KCTD8: variants seen among roughly 807,000 people sequenced by gnomAD.
KCTD8 encodes BTB/POZ domain-containing protein KCTD8.
Under a neutral mutation model 31.5 loss-of-function variants are expected in KCTD8, and 27 were observed. The observed-to-expected ratio is 0.86, with a 90% CI of 0.63 to 1.18. KCTD8 has a LOEUF of 1.18. KCTD8 is among the 50% of genes most tolerant of loss of function. The pLI is 0.00. For synonymous variants in KCTD8, 290 were observed against 280.0 expected (o/e 1.04, Z -0.36); for missense variants, 658 against 647.7 (o/e 1.02, Z -0.17).
At chr4:44,405,701 C>T (rs941975863) in intron 1 of KCTD8, among the ~76,000 whole-genome samples, 5 of 151,612 alleles carry the variant, frequency 3.3e-5, no homozygotes, top group Admixed American at 3.3e-4. Context: ...ATTGTGTTAT[C>T]CACTTTTATC....
chr4:44,428,861 A>G (rs896538160), intron 1 of KCTD8, among the ~76,000 whole-genome samples: 19 of 151,824 alleles, frequency 1.3e-4, no homozygotes, highest in Non-Finnish European at 2.5e-4. Flanking sequence ...TTTGGGCTTA[A>G]TTTAGACATA....
At chr4:44,397,976 G>T (rs1327900359) in intron 1 of KCTD8, among the ~76,000 whole-genome samples, 1 of 151,856 alleles carries the variant, frequency 6.6e-6, no homozygotes, top group Non-Finnish European at 1.5e-5. Flanking sequence ...TATCCTTTTG[G>T]TCACATCCTT....
At position 44,448,661 on chromosome 4, in the gene KCTD8, C is replaced by G. The variant is rs567108023; in HGVS notation, c.-138G>C. ...CGCGTTCCTCCGACCGGGGCGGCCC[C>G]GCTCAGGGTTCGGGGCAGCGGCGGC... On this transcript the variant is annotated 5_prime_UTR_variant, in exon 1 of 2. Coordinates refer to ENST00000360029, the MANE Select transcript of KCTD8 (RefSeq NM_198353.3). The surrounding 1 kb of genome is among the most constrained non-coding windows in gnomAD (Gnocchi z 4.1). 13 of 959,140 alleles carry G rather than the reference C, an allele frequency of 1.4e-5. No homozygotes were observed. In the Admixed American group the frequency reaches 1.7e-4, roughly 13 times the overall value. The allele number at this position is 959,140 out of a possible 1,614,324, so 59.4% of individuals were successfully genotyped here. A position where few individuals can be genotyped will look rare whatever the true frequency, so the allele number is the denominator to read the frequency against.
At chr4:44,330,739 A>T (rs1040073845) in intron 1 of KCTD8, among the ~76,000 whole-genome samples, 4 of 151,990 alleles carry the variant, frequency 2.6e-5, no homozygotes, top group Non-Finnish European at 5.9e-5. Flanking sequence ...GAAGTACTAT[A>T]TGTAAAGCTC....
intron 1 of KCTD8, among the ~76,000 whole-genome samples, chr4:44,282,065 G>A (rs780309117): frequency 2.0e-5 from 3 of 151,964 alleles, no homozygotes; most frequent in South Asian, 2.1e-4. Context: ...GTAACAGCTC[G>A]ATGCATTCAA....
At chr4:44,356,636 ATTGT>A (rs759837216) in intron 1 of KCTD8, among the ~76,000 whole-genome samples, 3 of 151,976 alleles carry the variant, frequency 2.0e-5, no homozygotes, top group African/African-American at 7.2e-5. Flanking sequence ...CATCTGGCTA[ATTGT>A]TTGTATTTTT....
chr4:44,448,802 G>A lies in KCTD8; in HGVS notation c.-279C>T. The A allele has an allele frequency of 3.1e-6, 1 of 322,202 alleles. No individual in the cohort carries two copies. 20.0% of individuals were successfully genotyped at this position (322,202 alleles called of 1,614,324 possible). A position where few individuals can be genotyped will look rare whatever the true frequency, so the allele number is the denominator to read the frequency against. On this transcript the variant is annotated 5_prime_UTR_variant, in exon 1 of 2. Coordinates refer to ENST00000360029, the MANE Select transcript of KCTD8 (RefSeq NM_198353.3). The surrounding 1 kb of genome is among the most constrained non-coding windows in gnomAD (Gnocchi z 4.1). ...TGCTGCTCCTTTGGGGCGAGGGCGG[G>A]GAAGTGTGAGAGAGACTTGCGAGAG...
At chr4:44,343,712 A>G (rs986042986) in intron 1 of KCTD8, among the ~76,000 whole-genome samples, 2 of 152,202 alleles carry the variant, frequency 1.3e-5, no homozygotes, top group African/African-American at 4.8e-5. Flanking sequence ...AAATACCCAA[A>G]TGTAGTTTAT....
chr4:44,305,252 A>T (rs1458400952), intron 1 of KCTD8, among the ~76,000 whole-genome samples: 1 of 151,632 alleles, frequency 6.6e-6, no homozygotes, highest in Non-Finnish European at 1.5e-5. Flanking sequence ...ATATAAGTAT[A>T]TAAAATATAA....
intron 1 of KCTD8, among the ~76,000 whole-genome samples, chr4:44,271,082 G>T (rs1266820425): frequency 6.6e-6 from 1 of 152,036 alleles, no homozygotes; most frequent in Non-Finnish European, 1.5e-5. Context: ...GTGAATTTAG[G>T]AGCCAATTTG....
intron 1 of KCTD8, among the ~76,000 whole-genome samples, chr4:44,181,275 A>T (rs1713381328): frequency 7.2e-6 from 1 of 139,232 alleles, no homozygotes; most frequent in Admixed American, 7.1e-5. Context: ...CTCTCTTTCC[A>T]CCGTCTCCCT....
intron 1 of KCTD8, among the ~76,000 whole-genome samples, chr4:44,239,664 T>C (rs79903641): frequency 0.019 from 2,928 of 152,294 alleles, 73 homozygotes; most frequent in Non-Finnish European, 0.028. Context: ...CCCTACCCAT[T>C]TGACACTTCA....
At chr4:44,347,146 T>C (rs544529467) in intron 1 of KCTD8, among the ~76,000 whole-genome samples, 1 of 152,326 alleles carries the variant, frequency 6.6e-6, no homozygotes, top group South Asian at 2.1e-4. Flanking sequence ...AAAGTGAATG[T>C]AATGCTAACT....
chr4:44,410,273 A>T (rs1720922833), intron 1 of KCTD8, among the ~76,000 whole-genome samples: 1 of 152,274 alleles, frequency 6.6e-6, no homozygotes, highest in South Asian at 2.1e-4. Flanking sequence ...TCTCAACATC[A>T]CTATGGATTA....
At chr4:44,298,793 A>G (rs986278144) in intron 1 of KCTD8, among the ~76,000 whole-genome samples, 2 of 152,194 alleles carry the variant, frequency 1.3e-5, no homozygotes, top group African/African-American at 4.8e-5. Context: ...AATAACCCAC[A>G]CTGGATCCAA....
intron 1 of KCTD8, among the ~76,000 whole-genome samples, chr4:44,218,187 AC>A (rs927924237): frequency 1.6e-5 from 2 of 123,868 alleles, no homozygotes; most frequent in Non-Finnish European, 3.1e-5. Context: ...AGGCTGGAGT[AC>A]GGTGGCGCAA....
At chr4:44,432,429 G>A (rs564487386) in intron 1 of KCTD8, among the ~76,000 whole-genome samples, 10 of 151,564 alleles carry the variant, frequency 6.6e-5, no homozygotes, top group South Asian at 4.2e-4. Context: ...TATATTAGAC[G>A]TGTTCTAAAA....
intron 1 of KCTD8, among the ~76,000 whole-genome samples, chr4:44,250,231 C>T (rs1431124394): frequency 6.6e-6 from 1 of 151,596 alleles, no homozygotes; most frequent in Non-Finnish European, 1.5e-5. Flanking sequence ...CTTTTCAAAT[C>T]GAATGTTATG....
At chr4:44,420,857 G>C (rs1349755355) in intron 1 of KCTD8, among the ~76,000 whole-genome samples, 1 of 151,972 alleles carries the variant, frequency 6.6e-6, no homozygotes, top group African/African-American at 2.4e-5. Context: ...CTAAATAAAA[G>C]AGTCAGAAAA....
Sources: allele counts gnomAD v4.1 joint callset (sites outside exome capture counted in the v4.1 genomes callset), GRCh38; gene constraint gnomAD v4.1.1; non-coding constraint Gnocchi (gnomAD v3.1); transcripts MANE v1.5; gene names NCBI Gene and HGNC (gene_info 2026-07-23, HGNC 2026-07-21).